Variants in SKIC8 observed in about 807,000 individuals in gnomAD.
The protein encoded by SKIC8 is superkiller complex protein 8.
the SKIC8 span, among the ~76,000 whole-genome samples, chr15:78,293,803 A>G: frequency 3.9e-5 from 6 of 152,206 alleles, no homozygotes; most frequent in African/African-American, 1.4e-4. Context: ...CAACAATCCT[A>G]TGAAGTGGGT....
the SKIC8 span, among the ~76,000 whole-genome samples, chr15:78,298,677 T>C: frequency 6.6e-6 from 1 of 152,176 alleles, no homozygotes; most frequent in Admixed American, 6.5e-5. Flanking sequence ...TACAATGGGG[T>C]TACTTCCCAA....
the SKIC8 span, chr15:78,283,559 T>C: frequency 7.0e-7 from 1 of 1,436,078 alleles, no homozygotes; most frequent in Non-Finnish European, 9.7e-7. Flanking sequence ...CAAATGCCTT[T>C]ATTCTTTATA....
the SKIC8 span, chr15:78,285,936 CTG>C: frequency 9.8e-6 from 9 of 916,848 alleles, no homozygotes; most frequent in Admixed American, 6.6e-5. Flanking sequence ...GAAAGGCTAA[CTG>C]AATAAAAAAG....
chr15:78,292,532 A>G, the SKIC8 span: 1 of 1,566,096 alleles, frequency 6.4e-7, no homozygotes, highest in Non-Finnish European at 8.8e-7. Flanking sequence ...AAAAATTCTG[A>G]GCTGTAAAAC....
the SKIC8 span, chr15:78,293,100 G>C: frequency 7.2e-7 from 1 of 1,391,664 alleles, no homozygotes. Flanking sequence ...ACTGCAACTG[G>C]AGAGTTCAGA....
chr15:78,292,940 C>A, the SKIC8 span: 1 of 1,023,846 alleles, frequency 9.8e-7, no homozygotes, highest in Non-Finnish European at 1.4e-6. Flanking sequence ...CCAAATGCTG[C>A]CAGGTTTTAA....
At chr15:78,293,942 T>C in the SKIC8 span, among the ~76,000 whole-genome samples, 1 of 152,236 alleles carries the variant, frequency 6.6e-6, no homozygotes, top group Non-Finnish European at 1.5e-5. Context: ...TGCTGTTGTA[T>C]GTGCAGACCC....
the SKIC8 span, chr15:78,291,927 T>C: frequency 3.3e-5 from 5 of 152,190 alleles, no homozygotes; most frequent in Non-Finnish European, 5.9e-5. Context: ...AATGTGAAGT[T>C]CAAAAGAATC....
chr15:78,298,614 G>A, the SKIC8 span, among the ~76,000 whole-genome samples: 1 of 152,098 alleles, frequency 6.6e-6, no homozygotes, highest in Admixed American at 6.5e-5. Flanking sequence ...GTAATCACAG[G>A]TATGTATGTG....
the SKIC8 span, chr15:78,294,462 T>C: frequency 6.1e-6 from 1 of 162,746 alleles, no homozygotes; most frequent in Non-Finnish European, 1.3e-5. Flanking sequence ...TCCCTGCCAC[T>C]GCCACTGCTG....
the SKIC8 span, chr15:78,288,186 T>A: frequency 4.0e-6 from 5 of 1,240,974 alleles, no homozygotes; most frequent in Non-Finnish European, 5.7e-6. Flanking sequence ...CTGATGTGAC[T>A]TGAGCACAGG....
chr15:78,283,725 T>C, the SKIC8 span: 1 of 387,500 alleles, frequency 2.6e-6, no homozygotes, highest in Admixed American at 4.6e-5. Context: ...CCCCTTCCCA[T>C]ACTCCAAAAA....
the SKIC8 span, chr15:78,283,792 C>T: frequency 4.0e-6 from 1 of 251,152 alleles, no homozygotes; most frequent in Non-Finnish European, 7.5e-6. Context: ...ACAACCCTTT[C>T]AAAGAGTCAG....
At chr15:78,299,021 T>G in the SKIC8 span, among the ~76,000 whole-genome samples, 1 of 152,156 alleles carries the variant, frequency 6.6e-6, no homozygotes, top group Non-Finnish European at 1.5e-5. Context: ...TTGGGAAACT[T>G]TTCCCTAAAT....
At chr15:78,288,294 A>G in the SKIC8 span, 1 of 1,613,964 alleles carries the variant, frequency 6.2e-7, no homozygotes, top group Admixed American at 1.7e-5. Context: ...CTTACACATC[A>G]TAGATCTTGA....
the SKIC8 span, chr15:78,296,150 C>G: frequency 6.5e-6 from 1 of 153,012 alleles, no homozygotes; most frequent in South Asian, 2.1e-4. Context: ...CTTTAAGAGC[C>G]AACAGGCAGG....
chr15:78,292,786 C>T, the SKIC8 span: 8 of 1,613,366 alleles, frequency 5.0e-6, no homozygotes, highest in African/African-American at 4.0e-5. Context: ...CCTCTCATCA[C>T]GCCTTCAACA....
the SKIC8 span, chr15:78,290,248 T>C: frequency 1.2e-6 from 1 of 843,104 alleles, no homozygotes. Context: ...GCTAATTCTT[T>C]ATCAAGTTTA....
the SKIC8 span, chr15:78,285,931 G>A: frequency 1.2e-6 from 1 of 862,114 alleles, no homozygotes; most frequent in Non-Finnish European, 1.7e-6. Context: ...GAAAAGAAAG[G>A]CTAACTGAAT....
Sources: gnomAD v4.1 joint callset for allele counts (sites outside exome capture counted in the v4.1 genomes callset) on GRCh38, gnomAD v4.1.1 for gene constraint, MANE v1.5 for transcripts, NCBI Gene and HGNC (gene_info 2026-07-23, HGNC 2026-07-21) for gene names.